Variants in SEMA3A observed in about 807,000 individuals in gnomAD.
SEMA3A encodes semaphorin-3A.
SEMA3A carries 29 observed loss-of-function variants against 97.9 expected under a neutral mutation model. The observed-to-expected ratio is 0.30, with a 90% CI of 0.22 to 0.40. The LOEUF is 0.40. Among genes scored for constraint, SEMA3A ranks in the 10% least tolerant of loss-of-function variants. The pLI is 1.00. For missense variants in SEMA3A, 763 were observed against 951.3 expected (o/e 0.80, Z 2.60); for synonymous variants, 321 against 323.7 (o/e 0.99, Z 0.09).
At chr7:84,020,427 T>A (rs1791286863) in intron 6 of SEMA3A, among the ~76,000 whole-genome samples, 1 of 150,380 alleles carries the variant, frequency 6.6e-6, no homozygotes, top group Non-Finnish European at 1.5e-5. Flanking sequence ...TCAACTTTCC[T>A]ATTTTTTTTT....
chr7:84,337,030 G>T (rs1012306407), intron 2 of SEMA3A, among the ~76,000 whole-genome samples: 21 of 152,014 alleles, frequency 1.4e-4, no homozygotes, highest in African/African-American at 5.1e-4. Context: ...CAGATTGCCT[G>T]GGTTTGAATC....
chr7:84,180,106 C>G (rs1797695713), intron 1 of SEMA3A, among the ~76,000 whole-genome samples: 1 of 150,568 alleles, frequency 6.6e-6, no homozygotes, highest in Non-Finnish European at 1.5e-5. Flanking sequence ...GCCACCATGC[C>G]CGGCTGATTT....
intron 3 of SEMA3A, among the ~76,000 whole-genome samples, chr7:84,211,359 C>T (rs1464574714): frequency 2.6e-5 from 4 of 151,948 alleles, no homozygotes; most frequent in African/African-American, 9.7e-5. Context: ...ACCTGTAATC[C>T]CAGCACTTTG....
chr7:84,360,870 T>C (rs1012880339), intron 2 of SEMA3A, among the ~76,000 whole-genome samples: 4 of 152,020 alleles, frequency 2.6e-5, no homozygotes, highest in Admixed American at 1.3e-4. Context: ...CTTGGCTCAC[T>C]GCAACCTCTG....
chr7:84,157,793 T>G (rs1009229265), intron 1 of SEMA3A, among the ~76,000 whole-genome samples: 6 of 152,180 alleles, frequency 3.9e-5, no homozygotes, highest in Non-Finnish European at 8.8e-5. Flanking sequence ...CTTGGACTCA[T>G]GCAACAGAAT....
At chr7:84,408,598 G>A (rs1804172064) in intron 1 of SEMA3A, among the ~76,000 whole-genome samples, 2 of 152,130 alleles carry the variant, frequency 1.3e-5, no homozygotes, top group African/African-American at 2.4e-5. Flanking sequence ...GCACACATAT[G>A]TTTATTGTGG....
At chr7:84,292,529 T>C (rs1027769033) in intron 3 of SEMA3A, among the ~76,000 whole-genome samples, 2 of 151,950 alleles carry the variant, frequency 1.3e-5, no homozygotes, top group African/African-American at 4.8e-5. Context: ...TCAAAACATG[T>C]AAGAGAAGAG....
In SEMA3A at chr7:83,959,543, AAG is replaced by A. The variant is rs1788386533; in HGVS notation, c.*1826_*1827del. 6.6e-6 allele frequency: 1 copy of A among 152,066 alleles called. No homozygotes were observed. The highest frequency in any genetic ancestry group is 1.5e-5 in the Non-Finnish European group (1 of 67,916). The allele number at this position is 152,066 out of a possible 1,614,324, so 9.4% of individuals were successfully genotyped here. A position where few individuals can be genotyped will look rare whatever the true frequency, so the allele number is the denominator to read the frequency against. On this transcript the variant is annotated 3_prime_UTR_variant, in exon 17 of 17. Coordinates refer to ENST00000265362, the MANE Select transcript of SEMA3A (RefSeq NM_006080.3). Reference sequence around the variant, plus strand: ...TTATTTTTAGGCTTTTGTTTGAAACAAGTGGCAACAACTTGTTTATTCAAGGC... The same window carrying A: ...TTATTTTTAGGCTTTTGTTTGAAACATGGCAACAACTTGTTTATTCAAGGC...
At chr7:84,362,728 T>C (rs1469961890) in intron 2 of SEMA3A, among the ~76,000 whole-genome samples, 1 of 151,984 alleles carries the variant, frequency 6.6e-6, no homozygotes, top group Non-Finnish European at 1.5e-5. Context: ...GATAATTTTA[T>C]GGTAACATCC....
At chr7:84,186,997 A>T (rs34798940) in intron 1 of SEMA3A, among the ~76,000 whole-genome samples, 9,563 of 152,178 alleles carry the variant, frequency 0.063, 346 homozygotes, top group African/African-American at 0.092. Context: ...GAAGTGGATC[A>T]TACTCTGAGG....
At chr7:84,056,149 G>T (rs976228544) in intron 5 of SEMA3A, among the ~76,000 whole-genome samples, 1 of 149,088 alleles carries the variant, frequency 6.7e-6, no homozygotes, top group African/African-American at 2.4e-5. Context: ...ACTATTTGAG[G>T]ATACGACCAT....
chr7:84,259,969 C>G (rs1487787133), intron 3 of SEMA3A, among the ~76,000 whole-genome samples: 1 of 152,140 alleles, frequency 6.6e-6, no homozygotes, highest in Admixed American at 6.5e-5. Context: ...CACAGCAAAA[C>G]TTTTGATGCT....
intron 1 of SEMA3A, among the ~76,000 whole-genome samples, chr7:84,145,183 C>T (rs7781126): frequency 0.32 from 47,965 of 151,872 alleles, 8,590 homozygotes; most frequent in African/African-American, 0.5. Context: ...CAGCCTTCTC[C>T]TGTGAATTCT....
At chr7:84,166,645 G>C (rs1409379914) in intron 1 of SEMA3A, among the ~76,000 whole-genome samples, 3 of 151,868 alleles carry the variant, frequency 2.0e-5, no homozygotes, top group African/African-American at 7.3e-5. Context: ...GGCCAAGGTG[G>C]GTGGATCACG....
At chr7:84,020,381 C>T (rs536061377) in intron 6 of SEMA3A, among the ~76,000 whole-genome samples, 64 of 151,770 alleles carry the variant, frequency 4.2e-4, no homozygotes, top group South Asian at 2.7e-3. Flanking sequence ...TCTTTGAGAA[C>T]ATATATTTCT....
At position 84,063,663 on chromosome 7, in the gene SEMA3A, G is replaced by A. The variant is rs568566640; in HGVS notation, c.454-3105C>T. On this transcript the variant is annotated intron_variant, in intron 4 of 16. Transcript: ENST00000265362. Reference sequence around the variant, plus strand: ...ACGATGCGATCAACTGGAAGAAAGGGTATCAGCGATGGAAGATGAAATGAA... The same window carrying A: ...ACGATGCGATCAACTGGAAGAAAGGATATCAGCGATGGAAGATGAAATGAA... Among the ~76,000 whole-genome samples, 196 of 151,706 alleles carry A rather than the reference G, an allele frequency of 1.3e-3. 1 individual carries two copies. Among genetic ancestry groups the A allele is most frequent in the African/African-American group, 4.6e-3 (189 of 41,348 alleles).
chr7:84,407,842 T>C (rs1200242317), intron 1 of SEMA3A, among the ~76,000 whole-genome samples: 9 of 152,206 alleles, frequency 5.9e-5, no homozygotes, highest in Non-Finnish European at 8.8e-5. Context: ...GTTAGCCATA[T>C]GTAGAAAGCT....
intron 2 of SEMA3A, 28 bp from the exon 3 acceptor site, chr7:84,129,213 A>G (rs1431036587): frequency 1.9e-6 from 3 of 1,573,626 alleles, no homozygotes; most frequent in East Asian, 4.5e-5. Context: ...ACATTGTTTT[A>G]TGTCAACTAA....
At chr7:84,008,693 T>G (rs1341229616) in intron 9 of SEMA3A, among the ~76,000 whole-genome samples, 5 of 152,158 alleles carry the variant, frequency 3.3e-5, no homozygotes, top group African/African-American at 4.8e-5. Flanking sequence ...CAATAGTTTG[T>G]TATTGGAAAC....
Sources: allele counts gnomAD v4.1 joint callset (sites outside exome capture counted in the v4.1 genomes callset), GRCh38; gene constraint gnomAD v4.1.1; transcripts MANE v1.5; gene names NCBI Gene and HGNC (gene_info 2026-07-23, HGNC 2026-07-21).